The following KLHDC10 variants were observed in gnomAD, a reference collection of about 807,000 sequenced individuals.
KLHDC10 encodes the protein kelch domain containing 10, also known as kelch domain-containing protein 10.
A neutral mutation model predicts 56.1 loss-of-function variants in KLHDC10; 24 were observed. That is an observed-to-expected ratio of 0.43 (90% CI 0.31 to 0.60). The LOEUF (loss-of-function observed/expected upper bound fraction) is 0.60. Among genes scored for constraint, KLHDC10 ranks in the 20% least tolerant of loss-of-function variants. The pLI is 0.11. For missense variants in KLHDC10, 349 were observed against 567.0 expected, an observed-to-expected ratio of 0.62 and a Z score of 3.91; for synonymous variants, 188 against 207.1, an observed-to-expected ratio of 0.91 and a Z score of 0.79.
chr7:130,097,626 T>G (rs866374490), intron 2 of KLHDC10, among the ~76,000 whole-genome samples: 4 of 152,044 alleles, frequency 2.6e-5, no homozygotes, highest in South Asian at 2.1e-4. Flanking sequence ...ATTAAAACAA[T>G]AAGATGTTTT....
intron 8 of KLHDC10, among the ~76,000 whole-genome samples, chr7:130,128,889 A>AAAAAATATATATATATATATAT: frequency 1.5e-5 from 1 of 66,950 alleles, no homozygotes; most frequent in Non-Finnish European, 2.8e-5. Context: ...AAAAAAAAAA[A>AAAAAATATATATATATATATAT]ATATATATAT....
At position 130,073,452 on chromosome 7, in the gene KLHDC10, G is replaced by A. The variant is rs1037634957; in HGVS notation, c.166+2643G>A. 4.3e-4 allele frequency among the ~76,000 whole-genome samples: 65 copies of A among 151,756 alleles called. 1 individual carries two copies. Among genetic ancestry groups the A allele is most frequent in the Non-Finnish European group, 7.4e-5 (5 of 67,968 alleles). On this transcript the variant is annotated intron_variant, in intron 1 of 9. Transcript: ENST00000335420. Reference sequence around the variant, plus strand: ...CTGGATTAGAGGTGCGGGCCACCACGTCCGGCTAATTTTTTGTATTTTTGG... The same window carrying A: ...CTGGATTAGAGGTGCGGGCCACCACATCCGGCTAATTTTTTGTATTTTTGG...
Position 130,130,745 on chromosome 7 carries a change from G to A in KLHDC10, c.1328G>A (p.Ter443=), listed in dbSNP as rs1796389690. The change falls in exon 10 of 10, where the codon TGA becomes TAA. Residue 443 remains the stop codon, a stop_retained_variant. Coordinates refer to ENST00000335420, the MANE Select transcript of KLHDC10 (RefSeq NM_014997.4). The surrounding 1 kb of genome is among the most constrained non-coding windows in gnomAD (Gnocchi z 4.2). ...LTQGLIERLK[*] Reference sequence around the variant, plus strand: ...CAGGGACTCATCGAACGCTTGAAATGAGGATTTCTGGACTGTTCATTGATA... The same window carrying A: ...CAGGGACTCATCGAACGCTTGAAATAAGGATTTCTGGACTGTTCATTGATA... 1 of 1,613,476 alleles carries A rather than the reference G, an allele frequency of 6.2e-7. No individual in the cohort carries two copies. The highest frequency in any genetic ancestry group is 8.5e-7 in the Non-Finnish European group (1 of 1,179,402).
intron 1 of KLHDC10, among the ~76,000 whole-genome samples, chr7:130,092,343 C>T (rs1281467604): frequency 6.6e-6 from 1 of 152,162 alleles, no homozygotes; most frequent in Non-Finnish European, 1.5e-5. Context: ...TTGTTCGATT[C>T]TCTTTTGTGT....
intron 5 of KLHDC10, 132 bp downstream of exon 5, chr7:130,122,334 A>C: frequency 2.5e-6 from 2 of 790,068 alleles, no homozygotes; most frequent in Non-Finnish European, 3.9e-6. Context: ...GTTAGATCTC[A>C]GGTAAATAGT....
At chr7:130,128,889 A>AAAAAAAAAAAAAATATATATATATATAT in intron 8 of KLHDC10, among the ~76,000 whole-genome samples, 2 of 66,954 alleles carry the variant, frequency 3.0e-5, no homozygotes, top group Non-Finnish European at 5.5e-5. Context: ...AAAAAAAAAA[A>AAAAAAAAAAAAAATATATATATATATAT]ATATATATAT....
rs2116932028 is a variant in KLHDC10, at chr7:130,133,661, T to C, written c.*2915T>C. 6.6e-6 allele frequency: 1 copy of C among 152,320 alleles called. No individual in the cohort carries two copies. Among genetic ancestry groups the C allele is most frequent in the South Asian group, 2.1e-4 (1 of 4,820 alleles). The allele number at this position is 152,320 out of a possible 1,614,324, so 9.4% of individuals were successfully genotyped here. ...TCCCTGTCATCTTTGTACTCTCTCA[T>C]GTTTGCATGTCTTACATTTTGTTGC... On this transcript the variant is annotated 3_prime_UTR_variant, in exon 10 of 10. Coordinates refer to ENST00000335420, the MANE Select transcript of KLHDC10 (RefSeq NM_014997.4).
At chr7:130,112,979 A>C (rs534908510) in intron 2 of KLHDC10, among the ~76,000 whole-genome samples, 1 of 152,362 alleles carries the variant, frequency 6.6e-6, no homozygotes, top group Middle Eastern at 3.4e-3. Flanking sequence ...CCCACATTTA[A>C]AAAAGTAAAA....
chr7:130,123,471 GAA>G (rs11332293), intron 5 of KLHDC10, among the ~76,000 whole-genome samples: 20 of 120,272 alleles, frequency 1.7e-4, no homozygotes, highest in East Asian at 1.4e-3. Context: ...CTCCGTCTCA[GAA>G]AAAAAAAAAA....
At chr7:130,083,840 C>T (rs1337527471) in intron 1 of KLHDC10, among the ~76,000 whole-genome samples, 2 of 152,172 alleles carry the variant, frequency 1.3e-5, no homozygotes, top group Non-Finnish European at 2.9e-5. Flanking sequence ...CATTTTTAAA[C>T]ATCCTTTTCC....
Position 130,070,612 on chromosome 7 carries a change from C to T in KLHDC10, c.-32C>T, listed in dbSNP as rs1795391300. 1.5e-6 allele frequency: 2 copies of T among 1,302,206 alleles called. No individual in the cohort carries two copies. Among genetic ancestry groups the T allele is most frequent in the Middle Eastern group, 3.0e-4 (1 of 3,288 alleles). 80.7% of individuals were successfully genotyped at this position (1,302,206 alleles called of 1,614,324 possible). A position where few individuals can be genotyped will look rare whatever the true frequency, so the allele number is the denominator to read the frequency against. On this transcript the variant is annotated 5_prime_UTR_variant, in exon 1 of 10. The change creates a new upstream start codon in the 5' untranslated region. Coordinates refer to ENST00000335420, the MANE Select transcript of KLHDC10 (RefSeq NM_014997.4). ...CTGGTTCCGCTGGGTCAGGCGCTGACGGGACCGGGCTGCGGCAATCGTTAG... is the reference window on the plus strand; with the variant it reads ...CTGGTTCCGCTGGGTCAGGCGCTGATGGGACCGGGCTGCGGCAATCGTTAG...
At chr7:130,075,012 C>A (rs1048789785) in intron 1 of KLHDC10, among the ~76,000 whole-genome samples, 2 of 152,152 alleles carry the variant, frequency 1.3e-5, no homozygotes, top group Non-Finnish European at 2.9e-5. Flanking sequence ...TGCCTTTCTC[C>A]TGTTTTCTGA....
chr7:130,112,417 C>T (rs1261399480), intron 2 of KLHDC10, among the ~76,000 whole-genome samples: 3 of 152,186 alleles, frequency 2.0e-5, no homozygotes, highest in Non-Finnish European at 2.9e-5. Flanking sequence ...AATACAGGTT[C>T]TGTTTTAATT....
chr7:130,125,232 C>A (rs1457528941), intron 6 of KLHDC10, among the ~76,000 whole-genome samples: 1 of 152,128 alleles, frequency 6.6e-6, no homozygotes, highest in African/African-American at 2.4e-5. Context: ...CCTTTTTCTT[C>A]GTTTTTTTCT....
At chr7:130,094,577 CT>C (rs1239046062) in intron 1 of KLHDC10, among the ~76,000 whole-genome samples, 3 of 152,064 alleles carry the variant, frequency 2.0e-5, no homozygotes, top group Non-Finnish European at 2.9e-5. Flanking sequence ...TTGATGTAAT[CT>C]TTCCTGTATT....
intron 2 of KLHDC10, among the ~76,000 whole-genome samples, chr7:130,098,986 T>G (rs753915151): frequency 1.3e-5 from 2 of 152,222 alleles, no homozygotes; most frequent in African/African-American, 4.8e-5. Context: ...AGGTGGGAGT[T>G]AACTCAGCAT....
At chr7:130,096,381 C>T (rs1470257412) in intron 1 of KLHDC10, among the ~76,000 whole-genome samples, 1 of 152,032 alleles carries the variant, frequency 6.6e-6, no homozygotes, top group East Asian at 1.9e-4. Flanking sequence ...CATGGAAGTG[C>T]CAAGATATTA....
intron 1 of KLHDC10, among the ~76,000 whole-genome samples, chr7:130,077,639 T>C (rs1795532359): frequency 6.9e-6 from 1 of 144,074 alleles, no homozygotes; most frequent in Non-Finnish European, 1.5e-5. Flanking sequence ...CACTGCAAGC[T>C]CCGCCTCCCG....
chr7:130,079,703 TTGCCTGCCTGCC>T (rs201223332), intron 1 of KLHDC10, among the ~76,000 whole-genome samples: 2,062 of 145,518 alleles, frequency 0.014, 43 homozygotes, highest in African/African-American at 0.049. Context: ...ATTTCAAAGC[TTGCCTGCCTGCC>T]TGCCTTCCTG....
Sources: gnomAD v4.1 joint callset for allele counts (sites outside exome capture counted in the v4.1 genomes callset) on GRCh38, gnomAD v4.1.1 for gene constraint, Gnocchi (gnomAD v3.1) non-coding constraint, MANE v1.5 for transcripts, NCBI Gene and HGNC (gene_info 2026-07-23, HGNC 2026-07-21) for gene names.